Variants in SLC6A7 observed in about 807,000 individuals in gnomAD.
SLC6A7 encodes solute carrier family 6 member 7, also known as sodium-dependent proline transporter.
In SLC6A7, 58 loss-of-function variants were observed where a neutral mutation model predicts 73.1. The ratio of observed to expected loss-of-function variants is 0.79; its 90% CI spans 0.64 to 0.99. The LOEUF (loss-of-function observed/expected upper bound fraction) is 0.99, where lower values mean the gene tolerates loss of function less well. Ranked by LOEUF, SLC6A7 falls within the 50% of genes least tolerant of loss-of-function variation. The pLI, the probability that SLC6A7 is intolerant of heterozygous loss-of-function variation, is 0.00. For synonymous variants in SLC6A7, 338 were observed against 338.7 expected (o/e 1.00, Z 0.02); for missense variants, 783 against 831.4 (o/e 0.94, Z 0.72).
chr5:150,204,690 C>T, intron 11 of SLC6A7, 59 bp downstream of exon 11: 2 of 1,419,584 alleles, frequency 1.4e-6, no homozygotes, highest in Admixed American at 1.7e-5. Context: ...TGGGAGTCTA[C>T]CCTGGGGAGC....
At chr5:150,203,843 G>A (rs1326285553) in intron 9 of SLC6A7, 64 bp downstream of exon 9, 23 of 1,431,684 alleles carry the variant, frequency 1.6e-5, no homozygotes, top group Non-Finnish European at 2.2e-5. Flanking sequence ...GTGTGTGTGT[G>A]TGTGTGTGTG....
chr5:150,190,215 C>T lies in SLC6A7; in HGVS notation c.-113C>T. 1.1e-6 allele frequency: 1 copy of T among 911,672 alleles called. No homozygotes were observed. The highest frequency in any genetic ancestry group is 1.6e-6 in the Non-Finnish European group (1 of 624,112). 56.5% of individuals were successfully genotyped at this position (911,672 alleles called of 1,614,324 possible). On this transcript the variant is annotated 5_prime_UTR_variant, in exon 1 of 14. Transcript: ENST00000230671. ...GCAGCGCCTGCGTCCGTGCCCGCCC[C>T]AGCCGGTGCGCGGGAGCCGCGGGGG...
In SLC6A7 at chr5:150,190,410, A is replaced by G. The variant is rs1421510141; in HGVS notation, c.33+50A>G. 4 of 1,348,702 alleles carry G rather than the reference A, an allele frequency of 3.0e-6. No individual in the cohort carries two copies. The East Asian group carries it at 1.2e-4, about 41-fold the overall frequency. 83.5% of individuals were successfully genotyped at this position (1,348,702 alleles called of 1,614,324 possible). A position where few individuals can be genotyped will look rare whatever the true frequency, so the allele number is the denominator to read the frequency against. On this transcript the variant is annotated intron_variant, in intron 1 of 13. Coordinates refer to ENST00000230671, the MANE Select transcript of SLC6A7 (RefSeq NM_014228.5). Reference sequence around the variant, plus strand: ...GGGGGTGCACCTGGAGGAGGGTTGGAGAGACCCGCCCCCAACGAGGCCCCT... The same window carrying G: ...GGGGGTGCACCTGGAGGAGGGTTGGGGAGACCCGCCCCCAACGAGGCCCCT...
intron 10 of SLC6A7, among the ~76,000 whole-genome samples, 168 bp downstream of exon 10, chr5:150,204,206 G>A (rs1018192966): frequency 6.6e-5 from 10 of 152,318 alleles, no homozygotes; most frequent in Non-Finnish European, 1.2e-4. Context: ...TTGGCCTTGT[G>A]ATCCAGAGTC....
In SLC6A7 at chr5:150,204,579, C is replaced by T. The variant is rs1753577665; in HGVS notation, c.1380C>T (p.Phe460=). The T allele has an allele frequency of 5.6e-6, 9 of 1,614,046 alleles. No individual in the cohort carries two copies. Among genetic ancestry groups the T allele is most frequent in the South Asian group, 2.2e-5 (2 of 91,090 alleles). ...TTCTGGATGACTACAGCGCCAGCTT[C>T]GGGCTGATGGTGGTGGTTATCACCA... is the stretch of plus-strand genomic sequence containing the variant. ...LVLLDDYSAS[F]GLMVVVITTC... is the part of the protein sequence containing the mutation. The change falls in exon 11 of 14, where the codon TTC becomes TTT. Residue 460 remains phenylalanine (F), a synonymous_variant. Transcript: ENST00000230671.
In SLC6A7 at chr5:150,209,603, G is replaced by A. The variant is rs1753870552; in HGVS notation, c.1899G>A (p.Glu633=). The A allele has an allele frequency of 6.2e-7, 1 of 1,604,156 alleles. No individual in the cohort carries two copies. The highest frequency in any genetic ancestry group is 8.5e-7 in the Non-Finnish European group (1 of 1,175,068). The change falls in exon 14 of 14, where the codon GAG becomes GAA. Residue 633 remains glutamate (E), a synonymous_variant. Transcript: ENST00000230671. ...ACCGTGAGATTGCAGAGGAGGAGGAGTCGATGATGTGAGGCAGGAGGCAGG... is the reference window on the plus strand; with the variant it reads ...ACCGTGAGATTGCAGAGGAGGAGGAATCGATGATGTGAGGCAGGAGGCAGG... ...EVDREIAEEE[E]SMM
chr5:150,195,925 T>C (rs999162944), intron 2 of SLC6A7, among the ~76,000 whole-genome samples: 5 of 152,068 alleles, frequency 3.3e-5, no homozygotes, highest in Non-Finnish European at 7.4e-5. Context: ...ACAGGCTTCC[T>C]CCCCGCAGTT....
At chr5:150,204,455 A>G in intron 10 of SLC6A7, 77 bp from the exon 11 acceptor site, 1 of 1,134,636 alleles carries the variant, frequency 8.8e-7, no homozygotes, top group Non-Finnish European at 1.3e-6. Context: ...CTTCCTGCTC[A>G]CTTCTTGCCA....
At chr5:150,199,198 A>C (rs147130073) in intron 4 of SLC6A7, 30 bp from the exon 5 acceptor site, 25 of 1,560,022 alleles carry the variant, frequency 1.6e-5, no homozygotes, top group Non-Finnish European at 7.8e-6. Flanking sequence ...TGGGGTGACC[A>C]GGGGACACTG....
At position 150,198,097 on chromosome 5, in the gene SLC6A7, AAGAAAGAAAGAAAGAAAGAG is replaced by A. The variant is rs1421205410; in HGVS notation, c.584+823_584+842del. Among the ~76,000 whole-genome samples, 177 of 108,306 alleles carry A rather than the reference AAGAAAGAAAGAAAGAAAGAG, an allele frequency of 1.6e-3. 7 individuals carry two copies. Among genetic ancestry groups the A allele is most frequent in the African/African-American group, 1.2e-3 (34 of 29,192 alleles). 71.1% of individuals were successfully genotyped at this position (108,306 alleles called of 152,430 possible). On this transcript the variant is annotated intron_variant, in intron 4 of 13. Coordinates refer to ENST00000230671, the MANE Select transcript of SLC6A7 (RefSeq NM_014228.5). ...AAAGAAAGAAAGAAAGAAAGAAAGA[AAGAAAGAAAGAAAGAAAGAG>A]AAAGAAAGAAAGAAAGAAAGAAAGC...
intron 1 of SLC6A7, among the ~76,000 whole-genome samples, chr5:150,191,438 T>G (rs918007591): frequency 4.0e-5 from 6 of 150,598 alleles, no homozygotes; most frequent in Non-Finnish European, 8.9e-5. Context: ...TTTTTCTTGT[T>G]TTTTTTTTTT....
chr5:150,205,376 T>TG, intron 12 of SLC6A7, 80 bp from the exon 13 acceptor site: 1 of 1,217,970 alleles, frequency 8.2e-7, no homozygotes, highest in East Asian at 2.4e-5. Flanking sequence ...GGCCTTGGGC[T>TG]GGCACTAGGC....
rs1219722120 is a variant in SLC6A7, at chr5:150,197,108, A to G, written c.416A>G (p.Tyr139Cys). The change falls in exon 4 of 14, where the codon TAC becomes TGC. Residue 139 changes from tyrosine (Y) to cysteine (C), a missense_variant. Coordinates refer to ENST00000230671, the MANE Select transcript of SLC6A7 (RefSeq NM_014228.5). ...ATCTACTACAACATGATCATCGCCT[A>G]CGTGCTCTTCTACCTCTTCGCCTCC... ...VAIYYNMIIAYVLFYLFASLT... is the reference protein window; with the variant it reads ...VAIYYNMIIACVLFYLFASLT... 1.9e-6 allele frequency: 3 copies of G among 1,613,996 alleles called. No individual in the cohort carries two copies. The highest frequency in any genetic ancestry group is 2.5e-6 in the Non-Finnish European group (3 of 1,180,026).
intron 6 of SLC6A7, among the ~76,000 whole-genome samples, chr5:150,201,569 A>G (rs1211168890): frequency 6.6e-6 from 1 of 152,186 alleles, no homozygotes; most frequent in Non-Finnish European, 1.5e-5. Context: ...CACTAACTGC[A>G]TATTATACTT....
At chr5:150,194,151 C>T (rs770749935) in intron 1 of SLC6A7, among the ~76,000 whole-genome samples, 4 of 152,148 alleles carry the variant, frequency 2.6e-5, no homozygotes, top group Middle Eastern at 3.2e-3. Context: ...ACCATCCAGC[C>T]GGCCACGGTG....
chr5:150,194,110 T>A (rs1752904473), intron 1 of SLC6A7, among the ~76,000 whole-genome samples: 1 of 152,168 alleles, frequency 6.6e-6, no homozygotes, highest in Non-Finnish European at 1.5e-5. Flanking sequence ...ATGCTCTTCA[T>A]CTTCGTCATC....
chr5:150,193,373 T>A (rs1275202124), intron 1 of SLC6A7, among the ~76,000 whole-genome samples: 2 of 152,186 alleles, frequency 1.3e-5, no homozygotes, highest in African/African-American at 4.8e-5. Flanking sequence ...ACAGCAAGAT[T>A]ATGACTTTCT....
intron 13 of SLC6A7, 100 bp downstream of exon 13, chr5:150,205,723 C>A: frequency 9.2e-7 from 1 of 1,089,284 alleles, no homozygotes; most frequent in South Asian, 1.6e-5. Context: ...ACCCCTTATC[C>A]AGCTTCTTTT....
chr5:150,200,473 G>C (rs1439298820), intron 5 of SLC6A7, among the ~76,000 whole-genome samples: 1 of 152,130 alleles, frequency 6.6e-6, no homozygotes, highest in Non-Finnish European at 1.5e-5. Context: ...AGCCTGGGAG[G>C]CTGAGTGAGA....
Sources: gnomAD v4.1 joint callset for allele counts (sites outside exome capture counted in the v4.1 genomes callset) on GRCh38, gnomAD v4.1.1 for gene constraint, MANE v1.5 for transcripts, NCBI Gene and HGNC (gene_info 2026-07-23, HGNC 2026-07-21) for gene names.